Variants in EHMT1 observed in about 807,000 individuals in gnomAD.
EHMT1 encodes the protein euchromatic histone lysine methyltransferase 1, also known as histone-lysine N-methyltransferase EHMT1.
Under a neutral mutation model 147.2 loss-of-function variants are expected in EHMT1, and 15 were observed. The ratio of observed to expected loss-of-function variants is 0.10; its 90% CI spans 0.07 to 0.16. EHMT1 has a LOEUF of 0.16. EHMT1 is among the 10% of genes least tolerant of loss of function. The pLI, the probability that EHMT1 is intolerant of heterozygous loss-of-function variation, is 1.00. For synonymous variants in EHMT1, 795 were observed against 709.6 expected, an observed-to-expected ratio of 1.12 and a Z score of -1.91; for missense variants, 1,587 against 1,772.4, an observed-to-expected ratio of 0.90 and a Z score of 1.88.
intron 25 of EHMT1, among the ~76,000 whole-genome samples, chr9:137,827,177 C>T (rs1564834257): frequency 6.6e-6 from 1 of 152,180 alleles, no homozygotes; most frequent in East Asian, 1.9e-4. Flanking sequence ...CCAGAGCTGC[C>T]ACACTCGCCT....
At chr9:137,641,577 T>G (rs1343668477) in intron 1 of EHMT1, 1 of 293,628 alleles carries the variant, frequency 3.4e-6, no homozygotes, top group East Asian at 1.1e-4. Context: ...TTTGTCTATG[T>G]TCGCTCTCCC....
chr9:137,710,837 T>TA (rs1424095368), intron 1 of EHMT1, 130 bp from the exon 2 acceptor site: 2 of 981,560 alleles, frequency 2.0e-6, no homozygotes, highest in Non-Finnish European at 1.5e-6. Flanking sequence ...CTGGCAGGAG[T>TA]AAATCTGACT....
At chr9:137,712,245 G>A (rs1031844671) in intron 2 of EHMT1, among the ~76,000 whole-genome samples, 2 of 152,130 alleles carry the variant, frequency 1.3e-5, no homozygotes, top group African/African-American at 4.8e-5. Flanking sequence ...CTTCCTAGTG[G>A]AACTTGTTTC....
At chr9:137,810,961 A>T (rs1471714268) in intron 18 of EHMT1, among the ~76,000 whole-genome samples, 2 of 152,198 alleles carry the variant, frequency 1.3e-5, no homozygotes, top group Non-Finnish European at 2.9e-5. Context: ...TTTGCCTCCC[A>T]AAATGCTGGG....
At chr9:137,815,734 G>T in intron 22 of EHMT1, 1 of 606,616 alleles carries the variant, frequency 1.6e-6, no homozygotes, top group Non-Finnish European at 3.0e-6. Context: ...GCTCCAGGGG[G>T]TCTCCACAAC....
At chr9:137,831,825 C>T (rs897527252) in intron 25 of EHMT1, among the ~76,000 whole-genome samples, 16 of 152,374 alleles carry the variant, frequency 1.1e-4, no homozygotes, top group African/African-American at 3.8e-4. Flanking sequence ...TCTGCGTGGG[C>T]CTTGTTTCCC....
chr9:137,716,059 T>TG (rs1163295978), intron 2 of EHMT1, among the ~76,000 whole-genome samples: 2 of 96,238 alleles, frequency 2.1e-5, no homozygotes, highest in African/African-American at 4.2e-5. Context: ...GGTGTCATGG[T>TG]GGGGGGAGGA....
intron 18 of EHMT1, among the ~76,000 whole-genome samples, chr9:137,806,104 C>A (rs1588816664): frequency 6.6e-6 from 1 of 152,080 alleles, no homozygotes. Context: ...GGATTACAGG[C>A]ACATGGCACC....
intron 1 of EHMT1, among the ~76,000 whole-genome samples, chr9:137,670,166 A>C (rs1326772280): frequency 6.6e-6 from 1 of 152,150 alleles, no homozygotes; most frequent in East Asian, 1.9e-4. Flanking sequence ...GGGCTGAAAA[A>C]AGCTTTTCTT....
chr9:137,735,179 T>C (rs1344935157), intron 4 of EHMT1, among the ~76,000 whole-genome samples: 2 of 152,242 alleles, frequency 1.3e-5, no homozygotes, highest in East Asian at 3.8e-4. Flanking sequence ...AAGAGACTAA[T>C]GCATTTAAAC....
rs1330840833 is a variant in EHMT1 at position 137,731,711 on chromosome 9, A to G, written c.823+3182A>G. 6.6e-6 allele frequency among the ~76,000 whole-genome samples: 1 copy of G among 152,144 alleles called. No homozygotes were observed. Among genetic ancestry groups the G allele is most frequent in the African/African-American group, 2.4e-5 (1 of 41,448 alleles). On this transcript the variant is annotated intron_variant, in intron 4 of 26. Coordinates refer to ENST00000460843, the MANE Select transcript of EHMT1 (RefSeq NM_024757.5). The surrounding 1 kb of genome is among the most constrained non-coding windows in gnomAD (Gnocchi z 4.3). ...TGGGCTCATTCTGCCCACTCGGCCC[A>G]GCAGGCTGTACTTGGCTCATGCTAC...
At chr9:137,701,783 A>G (rs1419355315) in intron 1 of EHMT1, among the ~76,000 whole-genome samples, 4 of 117,944 alleles carry the variant, frequency 3.4e-5, no homozygotes, top group African/African-American at 1.1e-4. Context: ...ACGCGCCACC[A>G]TGCCTGGTTA....
chr9:137,744,105 C>A lies in EHMT1; in HGVS notation c.1170+15C>A, dbSNP rs766881322. On this transcript the variant is annotated intron_variant, in intron 6 of 26. Coordinates refer to ENST00000460843, the MANE Select transcript of EHMT1 (RefSeq NM_024757.5). The stretch of plus-strand genomic sequence containing the variant: ...GCGCCCAGAAGGTATGTGTTGCTGT[C>A]TTGGGTGACAGCACAAGGAAAGAGC... 6.2e-6 allele frequency: 10 copies of A among 1,613,622 alleles called. No homozygotes were observed. Among genetic ancestry groups the A allele is most frequent in the South Asian group, 1.1e-5 (1 of 91,088 alleles).
chr9:137,811,971 G>A (rs1954526521), intron 19 of EHMT1, among the ~76,000 whole-genome samples: 1 of 152,192 alleles, frequency 6.6e-6, no homozygotes, highest in South Asian at 2.1e-4. Context: ...TGCCTTCTGG[G>A]AGCAGTGCCA....
rs545256173 is a variant in EHMT1 at position 137,653,997 on chromosome 9, G to A, written c.21+34948G>A. On this transcript the variant is annotated intron_variant, in intron 1 of 26. Coordinates refer to ENST00000460843, the MANE Select transcript of EHMT1 (RefSeq NM_024757.5). ...GTATGAAGCAGGGGTCCATCTTCAC[G>A]CTTTCGCATATGGCTCTCCCGGTGT... Among the ~76,000 whole-genome samples the A allele has an allele frequency of 7.9e-5, 12 of 152,236 alleles. No individual in the cohort carries two copies. The South Asian group carries it at 1.5e-3, about 18-fold the overall frequency.
At chr9:137,784,074 A>T in intron 15 of EHMT1, 1 of 1,093,160 alleles carries the variant, frequency 9.1e-7, no homozygotes, top group Non-Finnish European at 1.4e-6. Flanking sequence ...AGACCGGGTC[A>T]TTTATAAAGA....
chr9:137,782,552 A>G lies in EHMT1; in HGVS notation c.2382+155A>G, dbSNP rs1951642423. Among the ~76,000 whole-genome samples, 1 of 152,168 alleles carries G rather than the reference A, an allele frequency of 6.6e-6. No individual in the cohort carries two copies. The highest frequency in any genetic ancestry group is 2.1e-4 in the South Asian group (1 of 4,822). On this transcript the variant is annotated intron_variant, in intron 15 of 26. Coordinates refer to ENST00000460843, the MANE Select transcript of EHMT1 (RefSeq NM_024757.5). This position sits in a 1 kb window ranked among gnomAD's most constrained non-coding sequence, Gnocchi z 5.7. ...CAGCTTTTCTGCCCCCGAGTCCTGC[A>G]GGTGGATCAGTGCTTCCCGCTGTTT...
intron 14 of EHMT1, among the ~76,000 whole-genome samples, chr9:137,780,900 T>C (rs1328659600): frequency 5.3e-4 from 46 of 86,962 alleles, no homozygotes; most frequent in African/African-American, 1.1e-3. Context: ...GACGCTGGGA[T>C]GTGTGGTGAT....
intron 2 of EHMT1, among the ~76,000 whole-genome samples, chr9:137,712,545 G>A (rs1944838742): frequency 6.6e-6 from 1 of 152,214 alleles, no homozygotes; most frequent in Admixed American, 6.5e-5. Context: ...CAGTGATGTT[G>A]AGCATCATTT....
Sources: gnomAD v4.1 joint callset for allele counts (sites outside exome capture counted in the v4.1 genomes callset) on GRCh38, gnomAD v4.1.1 for gene constraint, Gnocchi (gnomAD v3.1) non-coding constraint, MANE v1.5 for transcripts, NCBI Gene and HGNC (gene_info 2026-07-23, HGNC 2026-07-21) for gene names.